CNTNAP2: variants seen among roughly 807,000 people sequenced by gnomAD.
The protein encoded by CNTNAP2 is contactin associated protein 2.
CNTNAP2 carries 98 observed loss-of-function variants against 155.2 expected under a neutral mutation model. The ratio of observed to expected loss-of-function variants is 0.63; its 90% CI spans 0.54 to 0.75. The LOEUF is 0.75. Ranked by LOEUF, CNTNAP2 falls within the 30% of genes least tolerant of loss-of-function variation. The pLI, the probability that CNTNAP2 is intolerant of heterozygous loss-of-function variation, is 0.00. For synonymous variants in CNTNAP2, 651 were observed against 631.2 expected, an observed-to-expected ratio of 1.03 and a Z score of -0.47; for missense variants, 1,727 against 1,688.1, an observed-to-expected ratio of 1.02 and a Z score of -0.40.
chr7:148,082,981 C>T (rs1803645533), intron 15 of CNTNAP2, among the ~76,000 whole-genome samples: 1 of 151,920 alleles, frequency 6.6e-6, no homozygotes, highest in African/African-American at 2.4e-5. Context: ...CCGGCCTGAA[C>T]TTTGGGATTC....
At chr7:146,753,530 G>A (rs1801941924) in intron 1 of CNTNAP2, among the ~76,000 whole-genome samples, 1 of 151,848 alleles carries the variant, frequency 6.6e-6, no homozygotes, top group Admixed American at 6.6e-5. Flanking sequence ...CAGAAATATT[G>A]GAATGATTTG....
In CNTNAP2 at chr7:147,334,427, C is replaced by A. The variant is rs147124091; in HGVS notation, c.1498+34137C>A. ...CCTTGCCATTTATTTCTTAGGGAAG[C>A]ATTCTGGCTCTTATTATCATCTCTA... On this transcript the variant is annotated intron_variant, in intron 9 of 23. Coordinates refer to ENST00000361727, the MANE Select transcript of CNTNAP2 (RefSeq NM_014141.6). Among the ~76,000 whole-genome samples the A allele has an allele frequency of 1.8e-3, 273 of 152,296 alleles. 7 individuals carry two copies. In the East Asian group the frequency reaches 0.048, roughly 27 times the overall value.
chr7:146,548,173 T>A (rs1434877696), intron 1 of CNTNAP2, among the ~76,000 whole-genome samples: 20 of 152,012 alleles, frequency 1.3e-4, no homozygotes, highest in Non-Finnish European at 2.9e-4. Flanking sequence ...TGTGTCCACG[T>A]GTTTTCATCA....
intron 21 of CNTNAP2, among the ~76,000 whole-genome samples, chr7:148,312,741 A>G (rs549897378): frequency 2.4e-4 from 37 of 152,320 alleles, no homozygotes; most frequent in African/African-American, 8.4e-4. Context: ...CCATGCTGTA[A>G]CAGGCAAGTG....
At chr7:146,354,411 A>ATTT (rs10641636) in intron 1 of CNTNAP2, among the ~76,000 whole-genome samples, 13,759 of 135,206 alleles carry the variant, frequency 0.1, 1,563 homozygotes, top group African/African-American at 0.28. Context: ...TCTTGTTAGT[A>ATTT]TTTTTTTTTT....
At chr7:146,727,173 G>T (rs552369490) in intron 1 of CNTNAP2, among the ~76,000 whole-genome samples, 36 of 152,174 alleles carry the variant, frequency 2.4e-4, no homozygotes, top group African/African-American at 8.4e-4. Flanking sequence ...ATAAATACGA[G>T]ATATCCCCAT....
At chr7:148,228,404 G>A (rs531163609) in intron 19 of CNTNAP2, among the ~76,000 whole-genome samples, 1 of 152,092 alleles carries the variant, frequency 6.6e-6, no homozygotes, top group Non-Finnish European at 1.5e-5. Flanking sequence ...CTATCATTGA[G>A]GGCAAAAAGG....
chr7:146,356,210 G>C (rs190088861), intron 1 of CNTNAP2, among the ~76,000 whole-genome samples: 1 of 152,066 alleles, frequency 6.6e-6, no homozygotes, highest in Non-Finnish European at 1.5e-5. Context: ...GTTGTTTAAA[G>C]TTCTTCAATA....
chr7:146,256,032 G>T (rs1046850334), intron 1 of CNTNAP2, among the ~76,000 whole-genome samples: 14 of 152,128 alleles, frequency 9.2e-5, no homozygotes, highest in Non-Finnish European at 1.9e-4. Flanking sequence ...TAGAAAACTT[G>T]TTTGTTTTAT....
chr7:147,370,945 T>C (rs1216623385), intron 9 of CNTNAP2, among the ~76,000 whole-genome samples: 2 of 152,144 alleles, frequency 1.3e-5, no homozygotes, highest in Non-Finnish European at 2.9e-5. Flanking sequence ...TCTGGGAACA[T>C]TGCTTATAAA....
At chr7:147,674,769 T>C (rs139974774) in intron 13 of CNTNAP2, among the ~76,000 whole-genome samples, 2,498 of 152,224 alleles carry the variant, frequency 0.016, 221 homozygotes, top group Admixed American at 0.15. Flanking sequence ...TTTTTTTCCT[T>C]AAGGGAGGTA....
At chr7:147,895,748 A>G (rs1799765622) in intron 13 of CNTNAP2, among the ~76,000 whole-genome samples, 2 of 152,358 alleles carry the variant, frequency 1.3e-5, no homozygotes, top group South Asian at 2.1e-4. Flanking sequence ...GTAGCATTTC[A>G]TTAGCATAGC....
intron 13 of CNTNAP2, among the ~76,000 whole-genome samples, chr7:147,749,537 C>T (rs1169473256): frequency 6.6e-6 from 1 of 152,146 alleles, no homozygotes; most frequent in Non-Finnish European, 1.5e-5. Flanking sequence ...CATAATATTA[C>T]TATTTTTACC....
intron 1 of CNTNAP2, among the ~76,000 whole-genome samples, chr7:146,735,919 C>A (rs1373646108): frequency 6.6e-6 from 1 of 151,982 alleles, no homozygotes; most frequent in East Asian, 1.9e-4. Context: ...ACGTTCCCAA[C>A]ATTAAGAGAT....
chr7:147,498,171 TAAAAAAAAA>T (rs58638014), intron 11 of CNTNAP2, among the ~76,000 whole-genome samples: 13 of 130,398 alleles, frequency 1.0e-4, no homozygotes, highest in African/African-American at 1.4e-4. Flanking sequence ...CAAGCTATGA[TAAAAAAAAA>T]AAAAAAAAAA....
intron 2 of CNTNAP2, among the ~76,000 whole-genome samples, chr7:146,831,415 A>T (rs1803508042): frequency 6.6e-6 from 1 of 152,056 alleles, no homozygotes; most frequent in African/African-American, 2.4e-5. Context: ...GTGGTGGCTC[A>T]GCCTGTAATC....
chr7:146,400,803 G>T lies in CNTNAP2; in HGVS notation c.97+283830G>T, dbSNP rs182647151. Among the ~76,000 whole-genome samples, 423 of 152,324 alleles carry T rather than the reference G, an allele frequency of 2.8e-3. 2 individuals carry two copies. Among genetic ancestry groups the T allele is most frequent in the African/African-American group, 9.8e-3 (406 of 41,580 alleles). On this transcript the variant is annotated intron_variant, in intron 1 of 23. Transcript: ENST00000361727. ...TAATGTTAAATAAGGAGTTGCAGAG[G>T]CTGACAGCCTTGGAACCTTTGGGCA... is the stretch of plus-strand genomic sequence containing the variant.
chr7:146,371,120 C>T (rs1795227635), intron 1 of CNTNAP2, among the ~76,000 whole-genome samples: 1 of 151,802 alleles, frequency 6.6e-6, no homozygotes, highest in Non-Finnish European at 1.5e-5. Context: ...CCATAATTAT[C>T]ATTATAATTT....
chr7:147,351,820 G>T (rs1795972258), intron 9 of CNTNAP2, among the ~76,000 whole-genome samples: 1 of 151,814 alleles, frequency 6.6e-6, no homozygotes, highest in African/African-American at 2.4e-5. Flanking sequence ...AGCAGATAAA[G>T]ACTATATGAA....
Sources: allele counts gnomAD v4.1 joint callset (sites outside exome capture counted in the v4.1 genomes callset), GRCh38; gene constraint gnomAD v4.1.1; transcripts MANE v1.5; gene names NCBI Gene and HGNC (gene_info 2026-07-23, HGNC 2026-07-21).